Variants in GALNT13 observed in about 807,000 individuals in gnomAD.
The protein encoded by GALNT13 is UDP-GalNAc:polypeptide N-acetylgalactosaminyltransferase 13.
A neutral mutation model predicts 64.2 loss-of-function variants in GALNT13; 28 were observed. The observed-to-expected ratio is 0.44, with a 90% CI of 0.32 to 0.60. The LOEUF (loss-of-function observed/expected upper bound fraction) is 0.60. Among genes scored for constraint, GALNT13 ranks in the 20% least tolerant of loss-of-function variants. The probability of loss-of-function intolerance (pLI) is 0.05; values close to 1 mark genes in which losing one functional copy is unlikely to be tolerated. For missense variants in GALNT13, 577 were observed against 669.8 expected (o/e 0.86, Z 1.53); for synonymous variants, 214 against 224.6 (o/e 0.95, Z 0.42).
At chr2:153,437,360 A>G in the GALNT13 span, among the ~76,000 whole-genome samples, 1 of 152,168 alleles carries the variant, frequency 6.6e-6, no homozygotes, top group Admixed American at 6.5e-5. Flanking sequence ...TGCAGAGCTG[A>G]GTTCAATTCC....
intron 1 of GALNT13, among the ~76,000 whole-genome samples, chr2:153,885,472 G>A (rs1307758923): frequency 6.7e-6 from 1 of 149,356 alleles, no homozygotes. Flanking sequence ...GGTTTTTTTT[G>A]CTGATGTAAA....
the GALNT13 span, among the ~76,000 whole-genome samples, chr2:153,323,052 T>C: frequency 1.3e-4 from 20 of 152,192 alleles, 1 homozygote; most frequent in Non-Finnish European, 7.3e-5. Flanking sequence ...TTTCTGGTTC[T>C]AGATCCTTAA....
chr2:153,516,419 C>G, the GALNT13 span, among the ~76,000 whole-genome samples: 1 of 151,906 alleles, frequency 6.6e-6, no homozygotes, highest in Non-Finnish European at 1.5e-5. Flanking sequence ...TTTGCAACAG[C>G]TAGGAATGGG....
the GALNT13 span, among the ~76,000 whole-genome samples, chr2:153,324,156 T>A: frequency 5.9e-5 from 9 of 152,224 alleles, no homozygotes; most frequent in Non-Finnish European, 1.2e-4. Flanking sequence ...GCTTATGTCC[T>A]CTCTAACTTC....
chr2:153,881,668 A>G (rs542796908), intron 1 of GALNT13, among the ~76,000 whole-genome samples: 22 of 152,312 alleles, frequency 1.4e-4, no homozygotes, highest in African/African-American at 5.3e-4. Context: ...TCCTTTTGTA[A>G]GGAAAACTAA....
chr2:154,180,449 C>A (rs1243676353), intron 4 of GALNT13, among the ~76,000 whole-genome samples: 1 of 151,506 alleles, frequency 6.6e-6, no homozygotes, highest in Non-Finnish European at 1.5e-5. Context: ...ACAAATATTG[C>A]TGTTTAAATT....
At chr2:154,454,919 C>T (rs1398928152), downstream of GALNT13, among the ~76,000 whole-genome samples, 2 of 152,060 alleles carry the variant, frequency 1.3e-5, no homozygotes, top group African/African-American at 4.8e-5. Flanking sequence ...GTTTGGCCTA[C>T]AGCTTGCACA....
chr2:153,391,553 T>C, the GALNT13 span, among the ~76,000 whole-genome samples: 1 of 152,260 alleles, frequency 6.6e-6, no homozygotes, highest in East Asian at 1.9e-4. Context: ...AATGTTTCTC[T>C]AATTTATCAT....
chr2:153,666,867 G>A, the GALNT13 span, among the ~76,000 whole-genome samples: 1 of 152,094 alleles, frequency 6.6e-6, no homozygotes, highest in Non-Finnish European at 1.5e-5. Flanking sequence ...TGGAAATGAA[G>A]ATCATAAAGA....
intron 9 of GALNT13, among the ~76,000 whole-genome samples, chr2:154,348,901 A>G (rs536287468): frequency 6.6e-6 from 1 of 152,318 alleles, no homozygotes; most frequent in African/African-American, 2.4e-5. Context: ...CATGGAAATG[A>G]AAAGACTAGT....
At chr2:153,795,056 G>T in the GALNT13 span, among the ~76,000 whole-genome samples, 1 of 152,130 alleles carries the variant, frequency 6.6e-6, no homozygotes, top group Admixed American at 6.5e-5. Context: ...GACCTCACAG[G>T]TTTGGCTTTC....
At chr2:153,381,552 A>C in the GALNT13 span, among the ~76,000 whole-genome samples, 1 of 152,122 alleles carries the variant, frequency 6.6e-6, no homozygotes, top group Non-Finnish European at 1.5e-5. Context: ...TATAGCTAGA[A>C]ATAAGGGTCT....
At chr2:154,116,840 G>A (rs1300287309) in intron 3 of GALNT13, among the ~76,000 whole-genome samples, 1 of 152,008 alleles carries the variant, frequency 6.6e-6, no homozygotes, top group African/African-American at 2.4e-5. Flanking sequence ...ACCACTCCTG[G>A]TACCAAAATC....
At chr2:154,393,447 C>T (rs1299995306) in intron 9 of GALNT13, among the ~76,000 whole-genome samples, 2 of 152,160 alleles carry the variant, frequency 1.3e-5, no homozygotes, top group African/African-American at 4.8e-5. Context: ...CTGCAGGGAC[C>T]TGAGAAATGT....
At chr2:153,879,516 T>G (rs1686634426) in intron 1 of GALNT13, among the ~76,000 whole-genome samples, 1 of 149,436 alleles carries the variant, frequency 6.7e-6, no homozygotes, top group African/African-American at 2.5e-5. Context: ...AGGCATGTGC[T>G]GCCATGTCAG....
upstream of GALNT13, among the ~76,000 whole-genome samples, chr2:153,868,399 C>G (rs573950277): frequency 2.6e-5 from 4 of 152,172 alleles, 1 homozygote; most frequent in South Asian, 8.3e-4. Context: ...CAATGAGAAG[C>G]CACTTAAATG....
At chr2:153,423,311 A>G in the GALNT13 span, 26 of 151,996 alleles carry the variant, frequency 1.7e-4, no homozygotes, top group African/African-American at 6.3e-4. Flanking sequence ...CAATAAACTC[A>G]GGACTCCTTT....
chr2:154,068,774 A>G (rs1320248539), intron 3 of GALNT13, among the ~76,000 whole-genome samples: 1 of 152,064 alleles, frequency 6.6e-6, no homozygotes, highest in Non-Finnish European at 1.5e-5. Context: ...GTACAAAAAT[A>G]TAGTTAGATA....
At chr2:153,596,662 ATTAGT>A in the GALNT13 span, among the ~76,000 whole-genome samples, 7 of 152,064 alleles carry the variant, frequency 4.6e-5, no homozygotes, top group South Asian at 2.1e-4. Context: ...ACATGACAGG[ATTAGT>A]TTAAAGTTCA....
Sources: gnomAD v4.1 joint callset for allele counts (sites outside exome capture counted in the v4.1 genomes callset) on GRCh38, gnomAD v4.1.1 for gene constraint, MANE v1.5 for transcripts, NCBI Gene and HGNC (gene_info 2026-07-23, HGNC 2026-07-21) for gene names.